The following PAN3 variants were observed in gnomAD, a reference collection of about 807,000 sequenced individuals.
PAN3 encodes the protein poly(A) specific ribonuclease subunit PAN3.
A neutral mutation model predicts 96.2 loss-of-function variants in PAN3; 19 were observed. That is an observed-to-expected ratio of 0.20 (90% CI 0.14 to 0.29). The LOEUF is 0.29. Among genes scored for constraint, PAN3 ranks in the 10% least tolerant of loss-of-function variants. The probability of loss-of-function intolerance (pLI) is 1.00; values close to 1 mark genes in which losing one functional copy is unlikely to be tolerated. For synonymous variants in PAN3, 433 were observed against 406.6 expected, an observed-to-expected ratio of 1.06 and a Z score of -0.78; for missense variants, 882 against 1,108.1, an observed-to-expected ratio of 0.80 and a Z score of 2.90.
chr13:28,223,034 TGGATATTAAGA>T (rs1490319221), intron 6 of PAN3, among the ~76,000 whole-genome samples: 1 of 152,094 alleles, frequency 6.6e-6, no homozygotes, highest in Admixed American at 6.5e-5. Flanking sequence ...CAAAGTTGAG[TGGATATTAAGA>T]GTGGGTTTCC....
intron 4 of PAN3, among the ~76,000 whole-genome samples, chr13:28,184,209 T>C (rs1876164026): frequency 6.6e-6 from 1 of 152,348 alleles, no homozygotes; most frequent in Non-Finnish European, 1.5e-5. Flanking sequence ...AGAAACTTGA[T>C]TTTATTTATA....
intron 5 of PAN3, among the ~76,000 whole-genome samples, chr13:28,209,150 C>T (rs1403594293): frequency 1.3e-5 from 2 of 151,792 alleles, no homozygotes; most frequent in African/African-American, 4.8e-5. Context: ...TTTTTTTACC[C>T]CAAATATTTT....
rs1195977458 is a variant in PAN3 at position 28,293,804 on chromosome 13, A to G, written c.*1282A>G. Reference sequence around the variant, plus strand: ...TATACTTTGATACTGAAGACTGCCAAATACATAGGAATTTTCTTTCTTAAA... The same window carrying G: ...TATACTTTGATACTGAAGACTGCCAGATACATAGGAATTTTCTTTCTTAAA... On this transcript the variant is annotated 3_prime_UTR_variant, in exon 19 of 19. Coordinates refer to ENST00000380958, the MANE Select transcript of PAN3 (RefSeq NM_175854.8). 1 of 152,574 alleles carries G rather than the reference A, an allele frequency of 6.6e-6. No homozygotes were observed. Among genetic ancestry groups the G allele is most frequent in the Non-Finnish European group, 1.5e-5 (1 of 68,024 alleles). The allele number at this position is 152,574 out of a possible 1,614,324, so 9.5% of individuals were successfully genotyped here. A position where few individuals can be genotyped will look rare whatever the true frequency, so the allele number is the denominator to read the frequency against.
chr13:28,164,406 A>G (rs1351804202), intron 1 of PAN3, among the ~76,000 whole-genome samples: 2 of 152,240 alleles, frequency 1.3e-5, no homozygotes, highest in African/African-American at 2.4e-5. Context: ...CAAATTGTTG[A>G]GGATATGCTA....
At chr13:28,200,073 CAGTT>C (rs1468981304) in intron 5 of PAN3, among the ~76,000 whole-genome samples, 3 of 152,200 alleles carry the variant, frequency 2.0e-5, no homozygotes, top group African/African-American at 4.8e-5. Flanking sequence ...TAAGGTTAAA[CAGTT>C]AGTAGAGGAA....
In PAN3 at chr13:28,288,794, ATGTTGGG is replaced by A. The variant is rs1453838693; in HGVS notation, c.2523+677_2523+683del. 2.7e-5 allele frequency among the ~76,000 whole-genome samples: 4 copies of A among 149,414 alleles called. No individual in the cohort carries two copies. In the East Asian group the frequency reaches 7.9e-4, roughly 30 times the overall value. ...AACCCCTTCCGAATCATTGTGAGTT[ATGTTGGG>A]TGTTATCAAATCATTATTAACTATA... On this transcript the variant is annotated intron_variant, in intron 18 of 18. Transcript: ENST00000380958.
chr13:28,251,757 T>A (rs929775424), intron 6 of PAN3, among the ~76,000 whole-genome samples: 1 of 152,084 alleles, frequency 6.6e-6, no homozygotes. Context: ...CGTGTACCCT[T>A]GTGGGCCTTA....
chr13:28,150,037 G>GCT (rs1376108087), intron 1 of PAN3, among the ~76,000 whole-genome samples: 3 of 152,076 alleles, frequency 2.0e-5, no homozygotes, highest in Non-Finnish European at 2.9e-5. Flanking sequence ...TTCTTATTTT[G>GCT]CTCCTCTAAG....
intron 6 of PAN3, among the ~76,000 whole-genome samples, chr13:28,246,695 G>A (rs1451395120): frequency 6.6e-6 from 1 of 151,928 alleles, no homozygotes; most frequent in Admixed American, 6.6e-5. Context: ...TCTGTTCCTG[G>A]CCTTATTTCA....
At chr13:28,270,591 ATGT>A in intron 12 of PAN3, 107 bp from the exon 13 acceptor site, 2 of 1,082,850 alleles carry the variant, frequency 1.8e-6, no homozygotes, top group African/African-American at 1.6e-5. Flanking sequence ...ATAAATTGAC[ATGT>A]TGTGCCATGA....
intron 4 of PAN3, among the ~76,000 whole-genome samples, chr13:28,182,502 G>A (rs1593425104): frequency 1.3e-5 from 2 of 152,172 alleles, no homozygotes; most frequent in Admixed American, 6.6e-5. Flanking sequence ...TTTTTAATAC[G>A]GAGATAACAG....
rs1870159747 is a variant in PAN3 at position 28,295,037 on chromosome 13, C to T, written c.*2515C>T. ...ATATAAACTTTCCACACCTTCCTGT[C>T]GTGACAGATAAAAGCACAGAAAGGA... is the stretch of plus-strand genomic sequence containing the variant. On this transcript the variant is annotated 3_prime_UTR_variant, in exon 19 of 19. Transcript: ENST00000380958. The T allele has an allele frequency of 6.6e-6, 1 of 152,162 alleles. No individual in the cohort carries two copies. The highest frequency in any genetic ancestry group is 2.4e-5 in the African/African-American group (1 of 41,430). The allele number at this position is 152,162 out of a possible 1,614,324, so 9.4% of individuals were successfully genotyped here. A position where few individuals can be genotyped will look rare whatever the true frequency, so the allele number is the denominator to read the frequency against.
chr13:28,269,562 A>G (rs895770146), intron 12 of PAN3, among the ~76,000 whole-genome samples: 1 of 152,170 alleles, frequency 6.6e-6, no homozygotes. Flanking sequence ...ATGAGTCTAT[A>G]TCAGTAAAAC....
At chr13:28,281,450 G>A in intron 17 of PAN3, 71 bp downstream of exon 17, 1 of 1,332,354 alleles carries the variant, frequency 7.5e-7, no homozygotes, top group South Asian at 1.2e-5. Flanking sequence ...GAATAAGTAT[G>A]CCTGGCTTTA....
chr13:28,144,718 C>CCTT lies in PAN3; in HGVS notation c.430+5631_430+5632insCTT, dbSNP rs1555267661. The stretch of plus-strand genomic sequence containing the variant: ...TATCAAAAGCAAACCAAAACATCAT[C>CCTT]TTTTTTTTTTTTTTTTTTTTTCCTC... On this transcript the variant is annotated intron_variant, in intron 1 of 18. Coordinates refer to ENST00000380958, the MANE Select transcript of PAN3 (RefSeq NM_175854.8). 5.7e-3 allele frequency among the ~76,000 whole-genome samples: 268 copies of CCTT among 46,750 alleles called. 83 individuals carry two copies. Among genetic ancestry groups the CCTT allele is most frequent in the Middle Eastern group, 0.034 (2 of 58 alleles). The allele number at this position is 46,750 out of a possible 152,430, so 30.7% of individuals were successfully genotyped here.
chr13:28,190,561 C>T (rs768917183), intron 4 of PAN3, among the ~76,000 whole-genome samples: 1 of 152,096 alleles, frequency 6.6e-6, no homozygotes, highest in Non-Finnish European at 1.5e-5. Context: ...TGCCTGGCCT[C>T]TGCTGGATGT....
intron 17 of PAN3, among the ~76,000 whole-genome samples, chr13:28,286,238 G>C (rs1281073928): frequency 6.6e-6 from 1 of 152,170 alleles, no homozygotes; most frequent in Admixed American, 6.5e-5. Flanking sequence ...CTGACAGCCA[G>C]GGTTTGGGAA....
chr13:28,278,598 A>G (rs1887233674), intron 15 of PAN3, among the ~76,000 whole-genome samples: 3 of 152,242 alleles, frequency 2.0e-5, no homozygotes, highest in African/African-American at 7.2e-5. Flanking sequence ...CAAAAAAGCC[A>G]TACTTTAATA....
intron 4 of PAN3, among the ~76,000 whole-genome samples, chr13:28,183,243 A>G (rs1379748589): frequency 6.6e-6 from 1 of 152,172 alleles, no homozygotes; most frequent in African/African-American, 2.4e-5. Context: ...TAATCTGTAA[A>G]ATGACTGTTT....
Sources: gnomAD v4.1 joint callset for allele counts (sites outside exome capture counted in the v4.1 genomes callset) on GRCh38, gnomAD v4.1.1 for gene constraint, MANE v1.5 for transcripts, NCBI Gene and HGNC (gene_info 2026-07-23, HGNC 2026-07-21) for gene names.